Variants in DMD observed in about 807,000 individuals in gnomAD.
DMD encodes the protein dystrophin.
In DMD, 63 loss-of-function variants were observed where a neutral mutation model predicts 330.1. That is an observed-to-expected ratio of 0.19 (90% confidence interval 0.16 to 0.24). DMD has a LOEUF of 0.24. DMD is among the 10% of genes least tolerant of loss of function. The probability of loss-of-function intolerance (pLI) is 1.00; values close to 1 mark genes in which losing one functional copy is unlikely to be tolerated. For synonymous variants in DMD, 1,223 were observed against 959.8 expected (o/e 1.27, Z -5.07); for missense variants, 3,344 against 2,684.1 (o/e 1.25, Z -5.43).
intron 48 of DMD, among the ~76,000 whole-genome samples, chrX:31,850,575 C>G (rs1267680424): frequency 9.8e-5 from 11 of 112,039 alleles, no homozygotes; most frequent in Non-Finnish European, 1.9e-5. Flanking sequence ...GCTGGTTCCC[C>G]TTGTTCTTAT....
chrX:33,095,642 A>G (rs2095147712), intron 1 of DMD, among the ~76,000 whole-genome samples: 1 of 111,909 alleles, frequency 8.9e-6, no homozygotes, highest in Non-Finnish European at 1.9e-5. Flanking sequence ...TTTGGGGGCT[A>G]TTAGCACTAC....
At chrX:32,027,897 T>G (rs1322265021) in intron 44 of DMD, among the ~76,000 whole-genome samples, 1 of 112,483 alleles carries the variant, frequency 8.9e-6, no homozygotes, top group Non-Finnish European at 1.9e-5. Context: ...CGTTAAGCCC[T>G]AGGCCGGAAG....
intron 56 of DMD, among the ~76,000 whole-genome samples, chrX:31,498,758 G>C (rs977937309): frequency 9.0e-6 from 1 of 111,708 alleles, no homozygotes; most frequent in African/African-American, 3.3e-5. Context: ...AAAAATGAAG[G>C]CATTTCCATC....
chrX:32,988,973 G>T (rs1049103733), intron 2 of DMD, among the ~76,000 whole-genome samples: 1 of 111,318 alleles, frequency 9.0e-6, no homozygotes, highest in Non-Finnish European at 1.9e-5. Context: ...AAACTGTTGT[G>T]TATTAGGAAA....
intron 19 of DMD, among the ~76,000 whole-genome samples, chrX:32,501,418 A>T (rs1342427594): frequency 8.9e-6 from 1 of 112,048 alleles, no homozygotes; most frequent in Non-Finnish European, 1.9e-5. Flanking sequence ...TCAGTTTTAC[A>T]CATATAACAT....
chrX:33,009,184 G>A (rs778773197), intron 2 of DMD, among the ~76,000 whole-genome samples: 1 of 15,436 alleles, frequency 6.5e-5, no homozygotes, highest in African/African-American at 2.8e-4. Flanking sequence ...GTATATATAC[G>A]TATATATGTA....
intron 55 of DMD, among the ~76,000 whole-genome samples, chrX:31,536,472 C>A: frequency 9.0e-6 from 1 of 111,488 alleles, no homozygotes; most frequent in Non-Finnish European, 1.9e-5. Flanking sequence ...CTTGAAACTG[C>A]AAACAGAATA....
rs371909357 is a variant in DMD at position 31,658,189 on chromosome X, T to C, written c.7873-45A>G. 7.6e-6 allele frequency: 9 copies of C among 1,180,667 alleles called. No individual in the cohort carries two copies. The African/African-American group carries it at 1.1e-4, about 14-fold the overall frequency. Reference sequence around the variant, plus strand: ...AGAGAATGAATGTCAGTTTTTTTTATGAAATCTCTAGTTGGAGTGTCTTAA... The same window carrying C: ...AGAGAATGAATGTCAGTTTTTTTTACGAAATCTCTAGTTGGAGTGTCTTAA... On this transcript the variant is annotated intron_variant, in intron 53 of 78. Coordinates refer to ENST00000357033, the MANE Select transcript of DMD (RefSeq NM_004006.3).
chrX:32,617,115 C>A lies in DMD; in HGVS notation c.1332-2662G>T, dbSNP rs542042086. On this transcript the variant is annotated intron_variant, in intron 11 of 78. Transcript: ENST00000357033. Reference sequence around the variant, plus strand: ...ACAGAACCTAAGCACAAATGGTCAACTGAGTTCACCCAATACAATGCGGGG... The same window carrying A: ...ACAGAACCTAAGCACAAATGGTCAAATGAGTTCACCCAATACAATGCGGGG... Among the ~76,000 whole-genome samples, 38 of 110,653 alleles carry A rather than the reference C, an allele frequency of 3.4e-4. No homozygotes were observed. In the South Asian group the frequency reaches 9.5e-3, roughly 28 times the overall value.
intron 44 of DMD, among the ~76,000 whole-genome samples, chrX:32,146,785 T>C (rs1807740245): frequency 8.9e-6 from 1 of 112,127 alleles, no homozygotes; most frequent in Non-Finnish European, 1.9e-5. Context: ...CCGTAAGTCA[T>C]ATAACATGAG....
Position 31,155,894 on chromosome X carries a change from CT to C in DMD, c.10554-8377del, listed in dbSNP as rs199707027. Among the ~76,000 whole-genome samples the C allele has an allele frequency of 7.8e-3, 854 of 109,838 alleles. 25 individuals are homozygous for C. The highest frequency in any genetic ancestry group is 0.072 in the Admixed American group (739 of 10,253). ...GTCTCAGCTACTCAGGAGGAGGAGG[CT>C]GGGGTGGGAGGACCGCTTGAGTCTG... On this transcript the variant is annotated intron_variant, in intron 74 of 78. Coordinates refer to ENST00000357033, the MANE Select transcript of DMD (RefSeq NM_004006.3).
chrX:31,274,027 C>G (rs1308986356), intron 62 of DMD, among the ~76,000 whole-genome samples: 1 of 112,150 alleles, frequency 8.9e-6, no homozygotes, highest in Non-Finnish European at 1.9e-5. Context: ...TCAGTATGTT[C>G]AGGAATAGTT....
At chrX:32,824,348 A>G (rs760082421) in intron 4 of DMD, among the ~76,000 whole-genome samples, 11 of 112,235 alleles carry the variant, frequency 9.8e-5, no homozygotes, top group Non-Finnish European at 1.7e-4. Context: ...CAAACTGGGA[A>G]CCCAGATGCC....
chrX:31,444,722 G>C, intron 59 of DMD, 95 bp from the exon 60 acceptor site: 4 of 940,813 alleles, frequency 4.3e-6, no homozygotes, highest in Non-Finnish European at 6.1e-6. Flanking sequence ...TGCAGTGCCA[G>C]TAATGTTTGC....
intron 60 of DMD, among the ~76,000 whole-genome samples, chrX:31,430,458 A>T (rs900118072): frequency 1.8e-5 from 2 of 111,674 alleles, no homozygotes; most frequent in Non-Finnish European, 1.9e-5. Flanking sequence ...GATAATGACC[A>T]GGATCAGCAT....
At chrX:33,029,175 A>T (rs1310513354) in intron 1 of DMD, among the ~76,000 whole-genome samples, 1 of 111,785 alleles carries the variant, frequency 8.9e-6, no homozygotes, top group Non-Finnish European at 1.9e-5. Context: ...ACCTTCTGTC[A>T]CCAATTCATT....
At chrX:32,081,578 G>A (rs1324813105) in intron 44 of DMD, among the ~76,000 whole-genome samples, 1 of 111,671 alleles carries the variant, frequency 9.0e-6, no homozygotes, top group African/African-American at 3.3e-5. Flanking sequence ...AGTCTGGCCG[G>A]GCGTAGTGGC....
Position 31,932,061 on chromosome X carries a change from T to G in DMD, c.6762+19A>C, listed in dbSNP as rs1569516097. The stretch of plus-strand genomic sequence containing the variant: ...CTTTATGCAAGCAGGCCCTGGGGGA[T>G]TTGAGAAAATAAAATTACCTTGACT... On this transcript the variant is annotated intron_variant, in intron 46 of 78. Transcript: ENST00000357033. The G allele has an allele frequency of 2.5e-6, 3 of 1,209,037 alleles. No individual in the cohort carries two copies. The highest frequency in any genetic ancestry group is 2.2e-6 in the Non-Finnish European group (2 of 893,425).
rs748937055 is a variant in DMD at position 31,627,837 on chromosome X, C to T, written c.8053G>A (p.Glu2685Lys). 42 of 1,207,464 alleles carry T rather than the reference C, an allele frequency of 3.5e-5. No individual in the cohort carries two copies. Among genetic ancestry groups the T allele is most frequent in the Non-Finnish European group, 4.6e-5 (41 of 894,250 alleles). ...TGTTGCAGTAATCTATGAGTTTCTT[C>T]CAAAGCAGCCTCTCGCTCACTCACC... ...KRVSEREAAL[E>K]ETHRLLQQFP... Residue 2685 changes from glutamate (E) to lysine (K), a missense_variant, in exon 55 of 79, where the codon GAA becomes AAA. Physicochemically the swap from Glu to Lys is moderately conservative, Grantham distance 56. Coordinates refer to ENST00000357033, the MANE Select transcript of DMD (RefSeq NM_004006.3).
Sources: allele counts gnomAD v4.1 joint callset (sites outside exome capture counted in the v4.1 genomes callset), GRCh38; gene constraint gnomAD v4.1.1; transcripts MANE v1.5; gene names NCBI Gene and HGNC (gene_info 2026-07-23, HGNC 2026-07-21).